NPAS3: variants seen among roughly 807,000 people sequenced by gnomAD.
NPAS3 encodes the protein neuronal PAS domain protein 3, also known as neuronal PAS domain-containing protein 3.
Under a neutral mutation model 73.1 loss-of-function variants are expected in NPAS3, and 14 were observed. The observed-to-expected ratio is 0.19, with a 90% confidence interval of 0.13 to 0.30. The LOEUF is 0.30. Among genes scored for constraint, NPAS3 ranks in the 10% least tolerant of loss-of-function variants. The pLI is 1.00. For synonymous variants in NPAS3, 620 were observed against 541.5 expected, an observed-to-expected ratio of 1.14 and a Z score of -2.01; for missense variants, 1,096 against 1,250.0, an observed-to-expected ratio of 0.88 and a Z score of 1.86.
At chr14:33,105,756 GA>G (rs35565905) in intron 2 of NPAS3, among the ~76,000 whole-genome samples, 15 of 150,096 alleles carry the variant, frequency 1.0e-4, no homozygotes, top group Admixed American at 2.0e-4. Context: ...CGTTATTTAG[GA>G]AAAAAAAAGA....
At chr14:33,254,374 G>C (rs1200559233) in intron 3 of NPAS3, among the ~76,000 whole-genome samples, 1 of 152,036 alleles carries the variant, frequency 6.6e-6, no homozygotes, top group Non-Finnish European at 1.5e-5. Context: ...AGGATGACTT[G>C]GGTTTCCAGT....
At chr14:33,339,326 G>A (rs534858192) in intron 3 of NPAS3, among the ~76,000 whole-genome samples, 3 of 152,098 alleles carry the variant, frequency 2.0e-5, no homozygotes, top group Non-Finnish European at 4.4e-5. Flanking sequence ...GGGGTGATCT[G>A]TTTTATTTTC....
Position 33,308,527 on chromosome 14 carries a change from T to TATATATACAC in NPAS3, c.386-58658_386-58657insTATATACACA. ...TGCATAGTTTATATATATATATATA[T>TATATATACAC]ACATACACACACACACACACACACA... On this transcript the variant is annotated intron_variant, in intron 3 of 11. Coordinates refer to ENST00000356141, the Ensembl canonical transcript of NPAS3. 3.9e-5 allele frequency among the ~76,000 whole-genome samples: 4 copies of TATATATACAC among 103,732 alleles called. 1 individual carries two copies. Among genetic ancestry groups the TATATATACAC allele is most frequent in the Non-Finnish European group, 7.5e-5 (4 of 53,520 alleles). 68.1% of individuals were successfully genotyped at this position (103,732 alleles called of 152,430 possible).
At chr14:33,559,990 A>G in intron 4 of NPAS3, 131 bp from the exon 5 acceptor site, 1 of 471,286 alleles carries the variant, frequency 2.1e-6, no homozygotes, top group African/African-American at 2.0e-5. Flanking sequence ...AGCCTGGGAG[A>G]CAGAGCAAGA....
intron 3 of NPAS3, among the ~76,000 whole-genome samples, chr14:33,305,206 C>T (rs1566779009): frequency 6.6e-6 from 1 of 151,700 alleles, no homozygotes; most frequent in African/African-American, 2.4e-5. Context: ...CATTGTATTC[C>T]AAATAAATAA....
chr14:32,941,287 C>CCCTT (rs2035995731), intron 1 of NPAS3, among the ~76,000 whole-genome samples: 1 of 34,722 alleles, frequency 2.9e-5, no homozygotes, highest in African/African-American at 1.3e-4. Flanking sequence ...CTCCCTCCCT[C>CCCTT]CCTCCCTCCC....
At chr14:33,021,017 C>G (rs1019567776) in intron 1 of NPAS3, among the ~76,000 whole-genome samples, 1 of 152,182 alleles carries the variant, frequency 6.6e-6, no homozygotes, top group Non-Finnish European at 1.5e-5. Flanking sequence ...CCTGCCTCAG[C>G]CTCCCAAAGT....
intron 4 of NPAS3, among the ~76,000 whole-genome samples, chr14:33,486,860 T>C (rs1201097370): frequency 6.6e-6 from 1 of 152,328 alleles, no homozygotes; most frequent in East Asian, 1.9e-4. Context: ...CTAAAATGAA[T>C]AGAGACAGAG....
chr14:32,967,121 C>T (rs576378909), intron 1 of NPAS3, among the ~76,000 whole-genome samples: 2 of 152,244 alleles, frequency 1.3e-5, no homozygotes, highest in Non-Finnish European at 2.9e-5. Context: ...TACTACCACC[C>T]CTGAGACAGC....
chr14:33,215,080 G>A, intron 2 of NPAS3, 102 bp from the exon 3 acceptor site: 1 of 1,258,286 alleles, frequency 7.9e-7, no homozygotes, highest in South Asian at 1.5e-5. Context: ...ATAGTTTTTG[G>A]TAGAATTTTG....
At chr14:33,740,488 C>T (rs2061629392) in intron 7 of NPAS3, among the ~76,000 whole-genome samples, 1 of 152,172 alleles carries the variant, frequency 6.6e-6, no homozygotes, top group Non-Finnish European at 1.5e-5. Context: ...TCCGATATAC[C>T]AATGAAAACT....
intron 3 of NPAS3, among the ~76,000 whole-genome samples, chr14:33,269,325 A>G (rs1419517045): frequency 6.6e-6 from 1 of 152,178 alleles, no homozygotes; most frequent in Non-Finnish European, 1.5e-5. Flanking sequence ...TATAGATGAG[A>G]AAGCAGAGGC....
chr14:33,609,774 T>C (rs190556243), intron 5 of NPAS3, among the ~76,000 whole-genome samples: 31 of 152,274 alleles, frequency 2.0e-4, no homozygotes, highest in African/African-American at 7.5e-4. Context: ...CACTGGGCAC[T>C]GATGCCTCAT....
At chr14:33,774,046 G>A (rs1264190732) in intron 7 of NPAS3, among the ~76,000 whole-genome samples, 1 of 151,962 alleles carries the variant, frequency 6.6e-6, no homozygotes, top group Non-Finnish European at 1.5e-5. Flanking sequence ...CAACTTATTG[G>A]TCATTTTATT....
chr14:33,684,315 T>TTTTA (rs1364543528), intron 6 of NPAS3, among the ~76,000 whole-genome samples: 1 of 152,016 alleles, frequency 6.6e-6, no homozygotes, highest in East Asian at 1.9e-4. Flanking sequence ...TTTCTTTTCT[T>TTTTA]TTTATTTTTT....
intron 6 of NPAS3, among the ~76,000 whole-genome samples, chr14:33,683,249 T>C (rs556885517): frequency 6.6e-6 from 1 of 151,854 alleles, no homozygotes. Flanking sequence ...AAATCTTCTA[T>C]TGAAGGTTTA....
At chr14:33,310,940 A>G (rs979595469) in intron 3 of NPAS3, among the ~76,000 whole-genome samples, 3 of 152,106 alleles carry the variant, frequency 2.0e-5, no homozygotes, top group Admixed American at 6.6e-5. Context: ...TTTAGTTCTT[A>G]TTTAATTCTA....
At chr14:33,374,396 A>C (rs1242402361) in intron 4 of NPAS3, among the ~76,000 whole-genome samples, 1 of 152,128 alleles carries the variant, frequency 6.6e-6, no homozygotes, top group Non-Finnish European at 1.5e-5. Context: ...ATATCCTAGA[A>C]TCATGATTAG....
At chr14:33,669,758 C>CT (rs1240887532) in intron 5 of NPAS3, among the ~76,000 whole-genome samples, 1 of 152,176 alleles carries the variant, frequency 6.6e-6, no homozygotes, top group Non-Finnish European at 1.5e-5. Context: ...CTCTTTGACT[C>CT]TATTTCCCCG....
Sources: gnomAD v4.1 joint callset for allele counts (sites outside exome capture counted in the v4.1 genomes callset) on GRCh38, gnomAD v4.1.1 for gene constraint, MANE v1.5 for transcripts, NCBI Gene and HGNC (gene_info 2026-07-23, HGNC 2026-07-21) for gene names.